BBX: variants seen among roughly 807,000 people sequenced by gnomAD.
BBX encodes the protein BBX high mobility group box domain containing.
BBX carries 30 observed loss-of-function variants against 100.2 expected under a neutral mutation model. That is an observed-to-expected ratio of 0.30 (90% CI 0.22 to 0.41). BBX has a LOEUF of 0.41. Among genes scored for constraint, BBX ranks in the 10% least tolerant of loss-of-function variants. BBX has a pLI of 1.00. For missense variants in BBX, 1,023 were observed against 1,129.8 expected (o/e 0.91, Z 1.35); for synonymous variants, 376 against 388.1 (o/e 0.97, Z 0.37).
At chr3:107,542,889 T>C (rs1027519258) in intron 2 of BBX, among the ~76,000 whole-genome samples, 5 of 152,194 alleles carry the variant, frequency 3.3e-5, no homozygotes, top group South Asian at 2.1e-4. Context: ...GAATTTCTTA[T>C]GCCTATGGCA....
chr3:107,707,708 G>A (rs1198771333), intron 3 of BBX, among the ~76,000 whole-genome samples: 2 of 152,100 alleles, frequency 1.3e-5, no homozygotes, highest in African/African-American at 4.8e-5. Context: ...AGAAATGAGG[G>A]AGGACTGAAT....
At chr3:107,547,772 C>T (rs2049346014) in intron 2 of BBX, among the ~76,000 whole-genome samples, 1 of 151,966 alleles carries the variant, frequency 6.6e-6, no homozygotes, top group Non-Finnish European at 1.5e-5. Context: ...CCTTCCTTCC[C>T]CTCCCCTTCT....
At chr3:107,654,119 C>A (rs1034406852) in intron 3 of BBX, among the ~76,000 whole-genome samples, 2 of 152,128 alleles carry the variant, frequency 1.3e-5, no homozygotes, top group African/African-American at 2.4e-5. Flanking sequence ...CAGCTATTGT[C>A]AATCCCCTTA....
chr3:107,794,038 A>G (rs781216243), intron 15 of BBX, among the ~76,000 whole-genome samples: 12 of 152,290 alleles, frequency 7.9e-5, no homozygotes, highest in Non-Finnish European at 1.6e-4. Context: ...GGATTTTCAA[A>G]TAAACCAAGA....
chr3:107,736,830 A>G (rs1166054531), intron 7 of BBX, among the ~76,000 whole-genome samples: 1 of 152,136 alleles, frequency 6.6e-6, no homozygotes, highest in Non-Finnish European at 1.5e-5. Context: ...TGGCTAGAAC[A>G]GAAGGAGAGG....
chr3:107,664,046 C>T (rs2058611545), intron 3 of BBX, among the ~76,000 whole-genome samples: 1 of 152,118 alleles, frequency 6.6e-6, no homozygotes, highest in South Asian at 2.1e-4. Context: ...ACCTTGTGAT[C>T]CACCGGCCTC....
At position 107,526,336 on chromosome 3, in the gene BBX, A is replaced by T. The variant is rs550848241; in HGVS notation, c.-146A>T. ...ATTTGATACTTTATAGGTCACTATC[A>T]TATGACAAAGGCTTTGCCGCAGTTC... On this transcript the variant is annotated 5_prime_UTR_variant, in exon 2 of 18. Coordinates refer to ENST00000325805, the MANE Select transcript of BBX (RefSeq NM_001142568.3). The T allele has an allele frequency of 5.0e-6, 2 of 398,696 alleles. No individual in the cohort carries two copies. Among genetic ancestry groups the T allele is most frequent in the Non-Finnish European group, 8.8e-6 (2 of 226,096 alleles). 24.7% of individuals were successfully genotyped at this position (398,696 alleles called of 1,614,324 possible). A position where few individuals can be genotyped will look rare whatever the true frequency, so the allele number is the denominator to read the frequency against.
chr3:107,645,664 G>A (rs1428950087), intron 2 of BBX, among the ~76,000 whole-genome samples, 172 bp from the exon 3 acceptor site: 4 of 151,702 alleles, frequency 2.6e-5, no homozygotes, highest in African/African-American at 9.7e-5. Flanking sequence ...AACACTTTAG[G>A]GCCACTTTCT....
At chr3:107,593,602 T>C (rs2053482401) in intron 2 of BBX, among the ~76,000 whole-genome samples, 1 of 152,092 alleles carries the variant, frequency 6.6e-6, no homozygotes, top group Non-Finnish European at 1.5e-5. Context: ...TATGGGATCG[T>C]AGAGGGTAAT....
intron 3 of BBX, among the ~76,000 whole-genome samples, chr3:107,689,023 C>A (rs1010071105): frequency 6.6e-6 from 1 of 152,166 alleles, no homozygotes; most frequent in Non-Finnish European, 1.5e-5. Flanking sequence ...TGGTACACAG[C>A]AGACAACGAC....
intron 2 of BBX, among the ~76,000 whole-genome samples, chr3:107,608,383 G>T (rs941338464): frequency 3.9e-5 from 6 of 152,110 alleles, no homozygotes; most frequent in Non-Finnish European, 8.8e-5. Flanking sequence ...CACCATAGAT[G>T]TATGGATTTG....
chr3:107,594,047 A>G (rs894292819), intron 2 of BBX, among the ~76,000 whole-genome samples: 1 of 152,202 alleles, frequency 6.6e-6, no homozygotes, highest in Non-Finnish European at 1.5e-5. Flanking sequence ...GGAGATTAAA[A>G]TGATCACATT....
Position 107,755,610 on chromosome 3 carries a change from A to G in BBX, c.838A>G (p.Thr280Ala), listed in dbSNP as rs757046096. ...LFQFAEISSN[T>A]SQLGGAEPVK... is the part of the protein sequence containing the mutation. ...GTCTTTAATATAGATTTCTTCAAAC[A>G]CTTCGCAGTTGGGTGGTGCTGAGCC... Residue 280 changes from threonine (T) to alanine (A), a missense_variant, in exon 10 of 18, where the codon ACT (threonine) becomes GCT (alanine). Around this residue, in one of 9 missense-constraint regions of BBX, gnomAD observed 95 missense variants for 95.1 expected, o/e 1.00. Coordinates refer to ENST00000325805, the MANE Select transcript of BBX (RefSeq NM_001142568.3). The G allele has an allele frequency of 3.1e-6, 5 of 1,613,670 alleles. No individual in the cohort carries two copies. Among genetic ancestry groups the G allele is most frequent in the Admixed American group, 1.7e-5 (1 of 59,962 alleles).
chr3:107,747,249 GTT>G (rs979369596), intron 8 of BBX, among the ~76,000 whole-genome samples: 17 of 151,884 alleles, frequency 1.1e-4, no homozygotes, highest in African/African-American at 4.1e-4. Context: ...GTGTGTGTGT[GTT>G]TGTGTTGGGT....
intron 2 of BBX, among the ~76,000 whole-genome samples, chr3:107,605,948 CT>C (rs1253462617): frequency 3.9e-5 from 6 of 152,170 alleles, no homozygotes; most frequent in African/African-American, 1.4e-4. Context: ...ATTGCCTTAA[CT>C]GTTGAAAATG....
At chr3:107,647,241 G>C (rs1254013126) in intron 3 of BBX, among the ~76,000 whole-genome samples, 1 of 152,166 alleles carries the variant, frequency 6.6e-6, no homozygotes, top group Non-Finnish European at 1.5e-5. Flanking sequence ...CTAAAAGAGA[G>C]TTGAGTATGG....
chr3:107,778,435 A>G lies in BBX; in HGVS notation c.2119A>G (p.Thr707Ala). 1 of 1,613,438 alleles carries G rather than the reference A, an allele frequency of 6.2e-7. No individual in the cohort carries two copies. Among genetic ancestry groups the G allele is most frequent in the South Asian group, 1.1e-5 (1 of 91,076 alleles). Residue 707 changes from threonine (T) to alanine (A), a missense_variant, in exon 13 of 18, where the codon ACA becomes GCA. By Grantham distance (58) the Thr-to-Ala change is moderately conservative. Coordinates refer to ENST00000325805, the MANE Select transcript of BBX (RefSeq NM_001142568.3). ...FNSLPQYSPV[T>A]FDRKCVPVPR... is the part of the protein sequence containing the mutation. ...CAGCCTCCCTCAATATAGTCCTGTT[A>G]CATTTGACCGGAAATGTGTACCTGT...
At chr3:107,798,285 A>T (rs1286957540) in intron 15 of BBX, among the ~76,000 whole-genome samples, 1 of 152,222 alleles carries the variant, frequency 6.6e-6, no homozygotes, top group African/African-American at 2.4e-5. Flanking sequence ...AGACTTAGAA[A>T]ATGTAAAAAA....
At position 107,805,720 on chromosome 3, in the gene BBX, G is replaced by T; in HGVS notation, c.*263G>T. The T allele has an allele frequency of 1.9e-6, 1 of 520,342 alleles. No individual in the cohort carries two copies. Among genetic ancestry groups the T allele is most frequent in the East Asian group, 3.1e-5 (1 of 32,420 alleles). 32.2% of individuals were successfully genotyped at this position (520,342 alleles called of 1,614,324 possible). The stretch of plus-strand genomic sequence containing the variant: ...CCTGGAGCTTTGCTTTCTATTGAAG[G>T]CTTTTGACGGTAATAGGTGGTAACT... On this transcript the variant is annotated 3_prime_UTR_variant, in exon 18 of 18. Transcript: ENST00000325805.
Sources: gnomAD v4.1 joint callset for allele counts (sites outside exome capture counted in the v4.1 genomes callset) on GRCh38, gnomAD v4.1.1 for gene constraint, gnomAD v4.1.1 regional missense constraint, MANE v1.5 for transcripts, NCBI Gene and HGNC (gene_info 2026-07-23, HGNC 2026-07-21) for gene names.